Variants in CNTNAP5 observed in about 807,000 individuals in gnomAD.
The protein encoded by CNTNAP5 is contactin-associated protein-like 5.
In CNTNAP5, 72 loss-of-function variants were observed where a neutral mutation model predicts 150.2. The ratio of observed to expected loss-of-function variants is 0.48; its 90% CI spans 0.40 to 0.58. The LOEUF is 0.58. Among genes scored for constraint, CNTNAP5 ranks in the 20% least tolerant of loss-of-function variants. The pLI is 0.00. For missense variants in CNTNAP5, 1,636 were observed against 1,626.2 expected (o/e 1.01, Z -0.10); for synonymous variants, 672 against 619.8 (o/e 1.08, Z -1.25).
chr2:124,419,965 TCTCTC>T (rs1692052912), intron 4 of CNTNAP5, among the ~76,000 whole-genome samples: 1 of 34,998 alleles, frequency 2.9e-5, no homozygotes, highest in Admixed American at 4.5e-4. Context: ...TCCTTTTCTC[TCTCTC>T]TCTTTCTTTC....
At chr2:124,842,203 G>A (rs1682957872) in intron 19 of CNTNAP5, among the ~76,000 whole-genome samples, 1 of 152,128 alleles carries the variant, frequency 6.6e-6, no homozygotes, top group South Asian at 2.1e-4. Flanking sequence ...GTAAATGTAA[G>A]TGACTCTAAT....
chr2:124,156,830 G>A (rs1296547715), intron 1 of CNTNAP5, among the ~76,000 whole-genome samples: 5 of 152,082 alleles, frequency 3.3e-5, no homozygotes, highest in Non-Finnish European at 5.9e-5. Context: ...CTGGTAGTTC[G>A]GGATCAAACT....
At chr2:124,781,127 T>C (rs1057087524) in intron 17 of CNTNAP5, among the ~76,000 whole-genome samples, 12 of 152,196 alleles carry the variant, frequency 7.9e-5, no homozygotes, top group Admixed American at 2.0e-4. Context: ...ACTCACATTC[T>C]TTTCCTTCCA....
At chr2:124,454,384 A>G (rs572887941) in intron 6 of CNTNAP5, among the ~76,000 whole-genome samples, 2 of 152,306 alleles carry the variant, frequency 1.3e-5, no homozygotes, top group South Asian at 4.1e-4. Flanking sequence ...CTAACTCTGG[A>G]GCTCCCAAAT....
chr2:124,697,722 T>C (rs1993272), intron 13 of CNTNAP5, among the ~76,000 whole-genome samples: 62,937 of 151,874 alleles, frequency 0.41, 13,857 homozygotes, highest in African/African-American at 0.5. Context: ...AGACGCTGCC[T>C]GAGCAGAAGC....
chr2:124,674,550 T>C (rs1250007823), intron 13 of CNTNAP5, among the ~76,000 whole-genome samples: 3 of 143,698 alleles, frequency 2.1e-5, no homozygotes, highest in African/African-American at 7.6e-5. Flanking sequence ...TTTCTTTCTT[T>C]CTTCCTTTCT....
chr2:124,636,952 G>A (rs891570646), intron 12 of CNTNAP5, among the ~76,000 whole-genome samples: 6 of 151,602 alleles, frequency 4.0e-5, no homozygotes, highest in East Asian at 1.9e-4. Flanking sequence ...AAATTTTTAC[G>A]GAACCATTTG....
At chr2:124,231,851 G>C (rs1686629453) in intron 2 of CNTNAP5, among the ~76,000 whole-genome samples, 1 of 152,050 alleles carries the variant, frequency 6.6e-6, no homozygotes, top group Non-Finnish European at 1.5e-5. Flanking sequence ...ATTCAGGCTG[G>C]CTAATTGCAA....
chr2:124,156,021 C>A (rs960536), intron 1 of CNTNAP5, among the ~76,000 whole-genome samples: 8,124 of 152,200 alleles, frequency 0.053, 426 homozygotes, highest in East Asian at 0.24. Context: ...GCCCAGTTGG[C>A]CTTGCAAAGT....
intron 3 of CNTNAP5, among the ~76,000 whole-genome samples, chr2:124,266,833 G>C (rs1397073260): frequency 6.6e-6 from 1 of 152,124 alleles, no homozygotes; most frequent in Non-Finnish European, 1.5e-5. Context: ...TGTCTTTTGT[G>C]TGCTAGCCTG....
chr2:124,527,777 T>G (rs1695009133), intron 10 of CNTNAP5, among the ~76,000 whole-genome samples: 1 of 152,204 alleles, frequency 6.6e-6, no homozygotes, highest in African/African-American at 2.4e-5. Context: ...AGGAAGGAAT[T>G]ACTTCTCTCC....
chr2:124,158,569 T>C (rs1684601521), intron 1 of CNTNAP5, among the ~76,000 whole-genome samples: 1 of 152,200 alleles, frequency 6.6e-6, no homozygotes, highest in African/African-American at 2.4e-5. Flanking sequence ...ATTGGTTGAA[T>C]CCACGGATAT....
chr2:124,659,045 G>C (rs1678518442), intron 13 of CNTNAP5, among the ~76,000 whole-genome samples: 1 of 152,152 alleles, frequency 6.6e-6, no homozygotes, highest in Admixed American at 6.5e-5. Flanking sequence ...TGTGACCTTA[G>C]ATGAGGTACT....
intron 5 of CNTNAP5, among the ~76,000 whole-genome samples, chr2:124,437,142 A>G (rs1331126359): frequency 6.6e-6 from 1 of 152,202 alleles, no homozygotes; most frequent in Non-Finnish European, 1.5e-5. Flanking sequence ...TCACTTCTGT[A>G]TCTCTAGCCT....
rs551483224 is a variant in CNTNAP5, at chr2:124,477,957, A to G, written c.1062+3075A>G. The stretch of plus-strand genomic sequence containing the variant: ...AAGCTTATAAAAACATTGCACACTC[A>G]TTGTTCATAAACTGGGGCTTAAAAG... On this transcript the variant is annotated intron_variant, in intron 7 of 23. Coordinates refer to ENST00000682447, the MANE Select transcript of CNTNAP5 (RefSeq NM_001367498.1). Among the ~76,000 whole-genome samples the G allele has an allele frequency of 1.8e-3, 273 of 152,198 alleles. 3 individuals are homozygous for G. Among genetic ancestry groups the G allele is most frequent in the African/African-American group, 6.3e-3 (261 of 41,546 alleles).
In CNTNAP5 at chr2:124,911,496, C is replaced by A; in HGVS notation, c.3685C>A (p.Pro1229Thr). 6.2e-7 allele frequency: 1 copy of A among 1,602,306 alleles called. No homozygotes were observed. Among genetic ancestry groups the A allele is most frequent in the African/African-American group, 1.3e-5 (1 of 74,834 alleles). ...DPFGKTDERE[P>T]LTNAVRSDSA... ...TTTTGGGAAGACAGATGAGCGGGAA[C>A]CACTCACAAATGCTGTTCGAAGTGA... The change falls in exon 23 of 24, where the codon CCA (proline) becomes ACA (threonine). Residue 1229 changes from proline to threonine, a missense_variant. Coordinates refer to ENST00000682447, the MANE Select transcript of CNTNAP5 (RefSeq NM_001367498.1).
intron 8 of CNTNAP5, 127 bp downstream of exon 8, chr2:124,504,683 T>A: frequency 1.8e-5 from 12 of 671,226 alleles, no homozygotes; most frequent in Non-Finnish European, 2.6e-5. Context: ...ACAAATGTAC[T>A]CCAAGTCTGA....
intron 13 of CNTNAP5, among the ~76,000 whole-genome samples, chr2:124,713,117 T>G (rs910498267): frequency 6.6e-6 from 1 of 152,122 alleles, no homozygotes; most frequent in African/African-American, 2.4e-5. Context: ...ACTATGGGAC[T>G]GTAACAATGT....
chr2:124,396,888 T>G (rs575535196), intron 3 of CNTNAP5, among the ~76,000 whole-genome samples: 1 of 152,334 alleles, frequency 6.6e-6, no homozygotes, highest in African/African-American at 2.4e-5. Context: ...CCCCAGTATT[T>G]TGCTCCAGGA....
Sources: gnomAD v4.1 joint callset for allele counts (sites outside exome capture counted in the v4.1 genomes callset) on GRCh38, gnomAD v4.1.1 for gene constraint, MANE v1.5 for transcripts, NCBI Gene and HGNC (gene_info 2026-07-23, HGNC 2026-07-21) for gene names.